POLR3G: variants seen among roughly 807,000 people sequenced by gnomAD.
POLR3G encodes RNA polymerase III subunit G.
Under a neutral mutation model 30.1 loss-of-function variants are expected in POLR3G, and 28 were observed. That is an observed-to-expected ratio of 0.93 (90% CI 0.69 to 1.27). POLR3G has a LOEUF of 1.27. Among genes scored for constraint, POLR3G ranks in the 50% most tolerant of loss-of-function variants. The probability of loss-of-function intolerance (pLI) is 0.00; values close to 1 mark genes in which losing one functional copy is unlikely to be tolerated. For missense variants in POLR3G, 254 were observed against 264.6 expected (o/e 0.96, Z 0.28); for synonymous variants, 79 against 82.5 (o/e 0.96, Z 0.23).
At chr5:90,509,745 C>G (rs559450380) in intron 7 of POLR3G, among the ~76,000 whole-genome samples, 1 of 152,046 alleles carries the variant, frequency 6.6e-6, no homozygotes, top group Non-Finnish European at 1.5e-5. Context: ...CCAGATAAAT[C>G]GGTATGGCGG....
In POLR3G at chr5:90,485,563, T is replaced by G. The variant is rs1399661183; in HGVS notation, c.-5T>G. ...TTGCCCACTCATCTGGTATAACTGG[T>G]TCTGATGGCTGGGAATAAAGGAAGA... On this transcript the variant is annotated 5_prime_UTR_variant, in exon 2 of 8. Coordinates refer to ENST00000651687, the MANE Select transcript of POLR3G (RefSeq NM_006467.3). 6.2e-7 allele frequency: 1 copy of G among 1,606,288 alleles called. No individual in the cohort carries two copies. The highest frequency in any genetic ancestry group is 1.7e-5 in the Admixed American group (1 of 59,824).
rs1554038297 is a variant in POLR3G, at chr5:90,481,328, GA to G, written c.-43-4182del. 5.4e-3 allele frequency among the ~76,000 whole-genome samples: 744 copies of G among 137,812 alleles called. 4 individuals are homozygous for G. Among genetic ancestry groups the G allele is most frequent in the Admixed American group, 0.01 (141 of 13,760 alleles). The allele number at this position is 137,812 out of a possible 152,430, so 90.4% of individuals were successfully genotyped here. A position where few individuals can be genotyped will look rare whatever the true frequency, so the allele number is the denominator to read the frequency against. On this transcript the variant is annotated intron_variant, in intron 1 of 7. Coordinates refer to ENST00000651687, the MANE Select transcript of POLR3G (RefSeq NM_006467.3). Reference sequence around the variant, plus strand: ...GAGAGCATCCCTTTTCAGTATTCTTGAAAAAAAAAAAAAAATCAAACCCAAA... The same window carrying G: ...GAGAGCATCCCTTTTCAGTATTCTTGAAAAAAAAAAAAAATCAAACCCAAA...
At position 90,501,869 on chromosome 5, in the gene POLR3G, T is replaced by C. The variant is rs775130534; in HGVS notation, c.356-37T>C. ...AAGGAAATATAATACAGAGTTGCAGTTGCAGAAAAATGTGTTAACTGGTAG... is the reference window on the plus strand; with the variant it reads ...AAGGAAATATAATACAGAGTTGCAGCTGCAGAAAAATGTGTTAACTGGTAG... On this transcript the variant is annotated intron_variant, in intron 5 of 7. Coordinates refer to ENST00000651687, the MANE Select transcript of POLR3G (RefSeq NM_006467.3). 73 of 1,606,386 alleles carry C rather than the reference T, an allele frequency of 4.5e-5. 1 individual carries two copies. The highest frequency in any genetic ancestry group is 5.2e-5 in the Non-Finnish European group (61 of 1,176,162).
intron 4 of POLR3G, among the ~76,000 whole-genome samples, chr5:90,496,253 C>T (rs1022434763): frequency 6.6e-6 from 1 of 152,300 alleles, no homozygotes; most frequent in African/African-American, 2.4e-5. Context: ...CAGGCATGAG[C>T]CAACACCCCC....
At chr5:90,487,033 T>A (rs1751471223) in intron 2 of POLR3G, among the ~76,000 whole-genome samples, 1 of 152,238 alleles carries the variant, frequency 6.6e-6, no homozygotes, top group Admixed American at 6.5e-5. Context: ...AATGAACATA[T>A]TTGTGTAAAT....
chr5:90,501,926 G>T lies in POLR3G; in HGVS notation c.376G>T (p.Ala126Ser), dbSNP rs756120245. ...CKKAGPKPKK[A>S]KDAGKGTPLT... ...TTCAGCAGGCCCAAAACCCAAAAAG[G>T]CAAAAGACGCAGGCAAAGGCACACC... is the stretch of plus-strand genomic sequence containing the variant. Residue 126 changes from alanine to serine, a missense_variant, in exon 6 of 8, where the codon GCA becomes TCA. Coordinates refer to ENST00000651687, the MANE Select transcript of POLR3G (RefSeq NM_006467.3). 3 of 1,613,336 alleles carry T rather than the reference G, an allele frequency of 1.9e-6. No individual in the cohort carries two copies. Among genetic ancestry groups the T allele is most frequent in the South Asian group, 1.1e-5 (1 of 90,992 alleles).
Position 90,477,608 on chromosome 5 carries a change from T to TA in POLR3G, c.-44+2590dup, listed in dbSNP as rs1750899352. Among the ~76,000 whole-genome samples the TA allele has an allele frequency of 3.3e-5, 5 of 152,308 alleles. 1 individual carries two copies. The South Asian group carries it at 1.0e-3, about 32-fold the overall frequency. On this transcript the variant is annotated intron_variant, in intron 1 of 7. Coordinates refer to ENST00000651687, the MANE Select transcript of POLR3G (RefSeq NM_006467.3). The stretch of plus-strand genomic sequence containing the variant: ...CAATTTAGGGGTCATTCATCAGGAA[T>TA]AATACCGTGACTTGACTTTCACTGC...
rs1391817561 is a variant in POLR3G at position 90,501,893 on chromosome 5, A to G, written c.356-13A>G. On this transcript the variant is annotated splice_polypyrimidine_tract_variant and intron_variant, in intron 5 of 7. Coordinates refer to ENST00000651687, the MANE Select transcript of POLR3G (RefSeq NM_006467.3). ...GTTGCAGAAAAATGTGTTAACTGGT[A>G]GTTTTACTTCAGCAGGCCCAAAACC... 2 of 1,612,130 alleles carry G rather than the reference A, an allele frequency of 1.2e-6. No homozygotes were observed. Among genetic ancestry groups the G allele is most frequent in the Admixed American group, 3.3e-5 (2 of 59,948 alleles).
upstream of POLR3G, chr5:90,474,682 G>A (rs1033291998): frequency 1.9e-5 from 5 of 270,132 alleles, no homozygotes; most frequent in South Asian, 1.8e-4. Context: ...CCGCAGTGAG[G>A]GTGGGAAGAG....
chr5:90,506,580 A>C lies in POLR3G; in HGVS notation c.491A>C (p.Lys164Thr). ...AAATCAGATGAGGAAAATGAAGAGA[A>C]AGAAGGAAGCAAAGAGAAAAGTAAA... ...GEKSDEENEEKEGSKEKSKEG... is the reference protein window; with the variant it reads ...GEKSDEENEETEGSKEKSKEG... The change falls in exon 7 of 8, where the codon AAA becomes ACA. Residue 164 changes from lysine (K) to threonine (T), a missense_variant. Physicochemically the swap from Lys to Thr is moderately conservative, Grantham distance 78 (BLOSUM62 -1). Transcript: ENST00000651687. 6.2e-7 allele frequency: 1 copy of C among 1,613,742 alleles called. No individual in the cohort carries two copies. Among genetic ancestry groups the C allele is most frequent in the Middle Eastern group, 1.6e-4 (1 of 6,062 alleles).
At chr5:90,486,733 C>G (rs560238063) in intron 2 of POLR3G, among the ~76,000 whole-genome samples, 5 of 152,310 alleles carry the variant, frequency 3.3e-5, no homozygotes, top group African/African-American at 4.8e-5. Context: ...GTCATTTTTC[C>G]TTTACCCACC....
At chr5:90,480,901 A>G (rs1751093225) in intron 1 of POLR3G, among the ~76,000 whole-genome samples, 2 of 152,170 alleles carry the variant, frequency 1.3e-5, no homozygotes, top group South Asian at 4.1e-4. Context: ...CTCTAGGCTC[A>G]GCATATGTTT....
At chr5:90,482,323 G>A (rs182175039) in intron 1 of POLR3G, among the ~76,000 whole-genome samples, 16 of 152,240 alleles carry the variant, frequency 1.1e-4, no homozygotes, top group Admixed American at 3.9e-4. Flanking sequence ...ATTCTTGGGC[G>A]TGAAACCACC....
chr5:90,490,589 G>A, intron 3 of POLR3G: 9 of 88,670 alleles, frequency 1.0e-4, no homozygotes, highest in East Asian at 6.3e-4. Flanking sequence ...TTTTTTTTTT[G>A]TAGAGACGGG....
chr5:90,507,557 T>C (rs1261555347), intron 7 of POLR3G, among the ~76,000 whole-genome samples: 1 of 152,220 alleles, frequency 6.6e-6, no homozygotes, highest in Non-Finnish European at 1.5e-5. Flanking sequence ...TCTTCTGGTA[T>C]CAGCTATTAG....
intron 1 of POLR3G, among the ~76,000 whole-genome samples, chr5:90,476,173 A>G (rs1393802072): frequency 6.6e-6 from 1 of 152,222 alleles, no homozygotes; most frequent in Admixed American, 6.5e-5. Context: ...GGAGAGGTGT[A>G]CGCTCCTTTC....
chr5:90,489,565 C>G (rs1365702171), intron 3 of POLR3G, among the ~76,000 whole-genome samples: 3 of 151,962 alleles, frequency 2.0e-5, no homozygotes, highest in African/African-American at 7.3e-5. Flanking sequence ...CCATGCCCGG[C>G]CTAATACTGA....
intron 5 of POLR3G, among the ~76,000 whole-genome samples, chr5:90,501,000 C>A (rs1752218727): frequency 6.6e-6 from 1 of 151,942 alleles, no homozygotes; most frequent in Non-Finnish European, 1.5e-5. Flanking sequence ...TTCAGAATAG[C>A]CTCAAAATGC....
chr5:90,497,254 GA>G (rs369026997), intron 4 of POLR3G, among the ~76,000 whole-genome samples: 2,090 of 148,308 alleles, frequency 0.014, 43 homozygotes, highest in African/African-American at 0.045. Flanking sequence ...ACATCCTTTT[GA>G]AAAAAAAAAT....
Sources: allele counts gnomAD v4.1 joint callset (sites outside exome capture counted in the v4.1 genomes callset), GRCh38; gene constraint gnomAD v4.1.1; transcripts MANE v1.5; gene names NCBI Gene and HGNC (gene_info 2026-07-23, HGNC 2026-07-21).